Variants in SCN7A observed in about 807,000 individuals in gnomAD.
SCN7A encodes sodium channel protein type 7 subunit alpha.
A neutral mutation model predicts 155.2 loss-of-function variants in SCN7A; 138 were observed. The ratio of observed to expected loss-of-function variants is 0.89; its 90% confidence interval spans 0.77 to 1.02. The LOEUF is 1.02. Ranked by LOEUF, SCN7A falls within the 50% of genes least tolerant of loss-of-function variation. The pLI, the probability that SCN7A is intolerant of heterozygous loss-of-function variation, is 0.00. For missense variants in SCN7A, 2,058 were observed against 1,986.6 expected (o/e 1.04, Z -0.68); for synonymous variants, 693 against 649.0 (o/e 1.07, Z -1.03).
intron 10 of SCN7A, among the ~76,000 whole-genome samples, chr2:166,457,937 A>G (rs13408742): frequency 0.11 from 16,498 of 152,228 alleles, 1,214 homozygotes; most frequent in African/African-American, 0.19. Context: ...GTAACAATCA[A>G]GAATATTTAC....
intron 16 of SCN7A, among the ~76,000 whole-genome samples, chr2:166,431,292 C>T (rs986680849): frequency 2.0e-5 from 3 of 152,068 alleles, no homozygotes; most frequent in Non-Finnish European, 4.4e-5. Context: ...AAATGTCTCT[C>T]TAACTAAAAT....
intron 7 of SCN7A, among the ~76,000 whole-genome samples, chr2:166,466,617 T>A (rs1027228405): frequency 6.6e-6 from 1 of 152,004 alleles, no homozygotes; most frequent in Admixed American, 6.6e-5. Flanking sequence ...CATAATCATA[T>A]CTCATAGAAT....
intron 1 of SCN7A, among the ~76,000 whole-genome samples, chr2:166,490,892 C>CT (rs1362466799): frequency 1.3e-5 from 2 of 152,180 alleles, no homozygotes; most frequent in African/African-American, 4.8e-5. Context: ...TAGAGAGAAA[C>CT]TAGAAAGGTG....
chr2:166,416,679 A>G (rs759715296), intron 21 of SCN7A, 28 bp downstream of exon 21: 1 of 1,547,234 alleles, frequency 6.5e-7, no homozygotes, highest in Non-Finnish European at 8.7e-7. Flanking sequence ...ATATATAATT[A>G]ATAAGGAAAA....
chr2:166,465,873 A>G lies in SCN7A; in HGVS notation c.779T>C (p.Met260Thr). Residue 260 changes from methionine (M) to threonine (T), a missense_variant, in exon 8 of 26, where the codon ATG becomes ACG. Physicochemically the swap from Met to Thr is moderately conservative, Grantham distance 81. Transcript: ENST00000643258. ...AAAACATTTATGTTTCAAGTTGCCCATGAAGAGCCCCATCCCAATTAGAGA... is the reference window on the plus strand; with the variant it reads ...AAAACATTTATGTTTCAAGTTGCCCGTGAAGAGCCCCATCCCAATTAGAGA... ...IFSLIGMGLFMGNLKHKCFRW... is the reference protein window; with the variant it reads ...IFSLIGMGLFTGNLKHKCFRW... The G allele has an allele frequency of 6.2e-7, 1 of 1,613,950 alleles. No homozygotes were observed. Among genetic ancestry groups the G allele is most frequent in the Non-Finnish European group, 8.5e-7 (1 of 1,179,846 alleles).
intron 13 of SCN7A, among the ~76,000 whole-genome samples, chr2:166,444,323 C>A (rs1702017874): frequency 6.6e-6 from 1 of 152,144 alleles, no homozygotes; most frequent in Non-Finnish European, 1.5e-5. Context: ...AGTTCCAATC[C>A]TGGGCAAAGA....
chr2:166,413,991 ATATATATATATAAATATAC>A, intron 21 of SCN7A, among the ~76,000 whole-genome samples: 1 of 101,006 alleles, frequency 9.9e-6, no homozygotes, highest in East Asian at 2.4e-4. Context: ...GTATATATAT[ATATATATATATAAATATAC>A]TATATATATG....
At chr2:166,474,398 C>T in intron 3 of SCN7A, 54 bp from the exon 4 acceptor site, 1 of 653,456 alleles carries the variant, frequency 1.5e-6, no homozygotes, top group Non-Finnish European at 2.5e-6. Context: ...ATAATCTCAT[C>T]AATTATGCAA....
rs1216453221 is a variant in SCN7A at position 166,414,139 on chromosome 2, A to T, written c.3415-1018T>A. On this transcript the variant is annotated intron_variant, in intron 21 of 25. Coordinates refer to ENST00000643258, the MANE Select transcript of SCN7A (RefSeq NM_002976.4). ...TATATATAATATATTATATATATGT[A>T]AATATATATAAATATATATAATATA... 3.2e-4 allele frequency among the ~76,000 whole-genome samples: 21 copies of T among 65,716 alleles called. No homozygotes were observed. In the East Asian group the frequency reaches 4.9e-3, roughly 15 times the overall value. 43.1% of individuals were successfully genotyped at this position (65,716 alleles called of 152,430 possible).
intron 2 of SCN7A, among the ~76,000 whole-genome samples, chr2:166,486,461 C>T (rs1056513998): frequency 1.3e-5 from 2 of 152,278 alleles, no homozygotes; most frequent in South Asian, 2.1e-4. Flanking sequence ...GTTCCCAAGT[C>T]CTGGAGCTTC....
chr2:166,425,226 A>C (rs1462352450), intron 18 of SCN7A, among the ~76,000 whole-genome samples: 1 of 152,022 alleles, frequency 6.6e-6, no homozygotes, highest in Non-Finnish European at 1.5e-5. Context: ...TTTAAGGTCT[A>C]CCTCTACCTC....
At chr2:166,491,024 T>C (rs560675122) in intron 1 of SCN7A, among the ~76,000 whole-genome samples, 31 of 152,172 alleles carry the variant, frequency 2.0e-4, no homozygotes, top group Non-Finnish European at 3.7e-4. Context: ...GAGCCTGTAA[T>C]CAAGTGCTTA....
At chr2:166,461,431 A>G in intron 10 of SCN7A, among the ~76,000 whole-genome samples, 1 of 152,292 alleles carries the variant, frequency 6.6e-6, no homozygotes, top group African/African-American at 2.4e-5. Flanking sequence ...AAACTATGAC[A>G]CATACATAAT....
rs1574993608 is a variant in SCN7A at position 166,405,856 on chromosome 2, C to G, written c.4773G>C (p.Arg1591Ser). Residue 1591 changes from arginine (R) to serine (S), a missense_variant, in exon 26 of 26, where the codon AGG becomes AGC. Coordinates refer to ENST00000643258, the MANE Select transcript of SCN7A (RefSeq NM_002976.4). Reference protein sequence around the residue: ...FTKRVMGQDVRMEKVVSEIES... With the variant: ...FTKRVMGQDVSMEKVVSEIES... Reference sequence around the variant, plus strand: ...CTATTTCTGAAACAACTTTCTCCATCCTCACATCTTGACCCATAACTCTCT... The same window carrying G: ...CTATTTCTGAAACAACTTTCTCCATGCTCACATCTTGACCCATAACTCTCT... 1 of 1,613,030 alleles carries G rather than the reference C, an allele frequency of 6.2e-7. No individual in the cohort carries two copies. Among genetic ancestry groups the G allele is most frequent in the Non-Finnish European group, 8.5e-7 (1 of 1,179,402 alleles).
chr2:166,414,152 T>TATTATATATATGTAAATATATATAA (rs1559088311), intron 21 of SCN7A, among the ~76,000 whole-genome samples: 1 of 55,090 alleles, frequency 1.8e-5, no homozygotes, highest in Non-Finnish European at 2.8e-5. Flanking sequence ...TATATATAAA[T>TATTATATATATGTAAATATATATAA]ATATATAATA....
intron 9 of SCN7A, among the ~76,000 whole-genome samples, chr2:166,463,706 C>T (rs1042383749): frequency 6.6e-6 from 1 of 152,066 alleles, no homozygotes; most frequent in African/African-American, 2.4e-5. Context: ...ATGGGTTCAC[C>T]ATTTGGATAT....
At chr2:166,484,340 CTGTA>C (rs1245960084) in intron 2 of SCN7A, among the ~76,000 whole-genome samples, 2 of 151,650 alleles carry the variant, frequency 1.3e-5, no homozygotes, top group Non-Finnish European at 2.9e-5. Context: ...CATAATTAAA[CTGTA>C]TGTATGTGTA....
intron 12 of SCN7A, among the ~76,000 whole-genome samples, chr2:166,446,096 C>T (rs1005896972): frequency 6.6e-6 from 1 of 152,112 alleles, no homozygotes; most frequent in Non-Finnish European, 1.5e-5. Context: ...AGACAACCTA[C>T]AGAATGGGAG....
chr2:166,441,739 T>C lies in SCN7A; in HGVS notation c.1814A>G (p.Lys605Arg), dbSNP rs1459566057. The C allele has an allele frequency of 6.3e-7, 1 of 1,598,740 alleles. No homozygotes were observed. ...LRLFRMLRIF[K>R]LGKYWPTFQI... is the part of the protein sequence containing the mutation. ...GAATGTTGGCCAATACTTTCCCAAC[T>C]TGAAAATTCTTAACTAATAGAGCAA... Residue 605 changes from lysine to arginine, a missense_variant, in exon 15 of 26, where the codon AAG (lysine) becomes AGG (arginine). Coordinates refer to ENST00000643258, the MANE Select transcript of SCN7A (RefSeq NM_002976.4).
Sources: gnomAD v4.1 joint callset for allele counts (sites outside exome capture counted in the v4.1 genomes callset) on GRCh38, gnomAD v4.1.1 for gene constraint, MANE v1.5 for transcripts, NCBI Gene and HGNC (gene_info 2026-07-23, HGNC 2026-07-21) for gene names.